GPR158: variants seen among roughly 807,000 people sequenced by gnomAD.
GPR158 encodes metabotropic glycine receptor.
A neutral mutation model predicts 78.2 loss-of-function variants in GPR158; 30 were observed. The ratio of observed to expected loss-of-function variants is 0.38; its 90% CI spans 0.29 to 0.52. GPR158 has a LOEUF of 0.52. Among genes scored for constraint, GPR158 ranks in the 20% least tolerant of loss-of-function variants. The probability of loss-of-function intolerance (pLI) is 0.83; values close to 1 mark genes in which losing one functional copy is unlikely to be tolerated. For missense variants in GPR158, 1,463 were observed against 1,523.5 expected (o/e 0.96, Z 0.66); for synonymous variants, 581 against 591.1 (o/e 0.98, Z 0.25).
At chr10:25,372,916 G>C (rs1834020634) in intron 2 of GPR158, among the ~76,000 whole-genome samples, 1 of 151,658 alleles carries the variant, frequency 6.6e-6, no homozygotes, top group African/African-American at 2.4e-5. Context: ...CCTAAAAACA[G>C]AACTGTCATT....
intron 5 of GPR158, among the ~76,000 whole-genome samples, chr10:25,496,125 C>A (rs965761651): frequency 6.6e-6 from 1 of 152,148 alleles, no homozygotes; most frequent in Non-Finnish European, 1.5e-5. Context: ...TACTTTATTA[C>A]TTTATTAATG....
chr10:25,206,612 TTTTTCCTG>T (rs1269527649), intron 1 of GPR158, among the ~76,000 whole-genome samples: 3 of 152,152 alleles, frequency 2.0e-5, no homozygotes, highest in African/African-American at 7.2e-5. Flanking sequence ...ATGTTAAATA[TTTTTCCTG>T]TTTTCTAATA....
intron 4 of GPR158, among the ~76,000 whole-genome samples, chr10:25,455,559 T>G (rs1262312603): frequency 6.6e-6 from 1 of 152,160 alleles, no homozygotes; most frequent in Non-Finnish European, 1.5e-5. Flanking sequence ...AGCAAAGGAT[T>G]CATCACAGAT....
intron 3 of GPR158, among the ~76,000 whole-genome samples, chr10:25,411,560 C>A (rs140291267): frequency 6.6e-6 from 1 of 152,030 alleles, no homozygotes; most frequent in Non-Finnish European, 1.5e-5. Flanking sequence ...CTTTCTTATT[C>A]CTACTTCTGG....
At chr10:25,234,295 C>T (rs1183396363) in intron 2 of GPR158, among the ~76,000 whole-genome samples, 8 of 152,168 alleles carry the variant, frequency 5.3e-5, no homozygotes, top group Admixed American at 5.2e-4. Flanking sequence ...GCCTTAGACC[C>T]CGCTGAATTC....
chr10:25,263,935 T>TA (rs5783916), intron 2 of GPR158, among the ~76,000 whole-genome samples: 2 of 152,160 alleles, frequency 1.3e-5, no homozygotes, highest in Non-Finnish European at 2.9e-5. Flanking sequence ...AGACTGTCTT[T>TA]AAAAAAATGA....
chr10:25,199,232 C>T (rs1206929227), intron 1 of GPR158, among the ~76,000 whole-genome samples: 2 of 151,060 alleles, frequency 1.3e-5, no homozygotes, highest in African/African-American at 4.9e-5. Flanking sequence ...TATTTTCTTA[C>T]CCAAGTAATA....
intron 1 of GPR158, among the ~76,000 whole-genome samples, chr10:25,214,288 C>G (rs1442807119): frequency 6.6e-6 from 1 of 152,144 alleles, no homozygotes; most frequent in Non-Finnish European, 1.5e-5. Context: ...GCCACCACGC[C>G]TGGCCGAGTC....
chr10:25,194,059 C>T (rs1451813754), intron 1 of GPR158, among the ~76,000 whole-genome samples: 2 of 152,186 alleles, frequency 1.3e-5, no homozygotes, highest in African/African-American at 2.4e-5. Flanking sequence ...CTTTTCCTCA[C>T]GAGCCCACCT....
At chr10:25,528,563 A>T (rs1836381600) in intron 5 of GPR158, among the ~76,000 whole-genome samples, 1 of 152,142 alleles carries the variant, frequency 6.6e-6, no homozygotes, top group Non-Finnish European at 1.5e-5. Flanking sequence ...CTAAATACAT[A>T]CAAGTAGATT....
Position 25,214,287 on chromosome 10 carries a change from C to A in GPR158, c.903-6765C>A, listed in dbSNP as rs547673258. Reference sequence around the variant, plus strand: ...GGGATTACAGGCGTGAGCCACCACGCCTGGCCGAGTCTCCCTTATTTATTT... The same window carrying A: ...GGGATTACAGGCGTGAGCCACCACGACTGGCCGAGTCTCCCTTATTTATTT... On this transcript the variant is annotated intron_variant, in intron 1 of 10. Coordinates refer to ENST00000376351, the MANE Select transcript of GPR158 (RefSeq NM_020752.3). Among the ~76,000 whole-genome samples, 6 of 152,230 alleles carry A rather than the reference C, an allele frequency of 3.9e-5. No individual in the cohort carries two copies. The South Asian group carries it at 1.2e-3, about 32-fold the overall frequency.
At chr10:25,202,599 G>T (rs1852948978) in intron 1 of GPR158, among the ~76,000 whole-genome samples, 1 of 152,056 alleles carries the variant, frequency 6.6e-6, no homozygotes. Context: ...CTTTTTTATG[G>T]CTGCATAGTA....
At chr10:25,380,510 A>G (rs1016894324) in intron 2 of GPR158, among the ~76,000 whole-genome samples, 1 of 152,130 alleles carries the variant, frequency 6.6e-6, no homozygotes, top group African/African-American at 2.4e-5. Context: ...TTAGTAATGT[A>G]TTACATTTTA....
chr10:25,507,795 A>G (rs1309259038), intron 5 of GPR158, among the ~76,000 whole-genome samples: 1 of 152,262 alleles, frequency 6.6e-6, no homozygotes, highest in Non-Finnish European at 1.5e-5. Flanking sequence ...TTTGACACAC[A>G]AAAGAAGTCA....
At chr10:25,348,213 A>T (rs1483073990) in intron 2 of GPR158, among the ~76,000 whole-genome samples, 1 of 151,890 alleles carries the variant, frequency 6.6e-6, no homozygotes, top group Non-Finnish European at 1.5e-5. Flanking sequence ...CAGTGATTTT[A>T]GACAGGGATT....
intron 6 of GPR158, among the ~76,000 whole-genome samples, chr10:25,553,053 TC>T: frequency 6.6e-6 from 1 of 152,326 alleles, no homozygotes; most frequent in Non-Finnish European, 1.5e-5. Flanking sequence ...ATAAGATTCA[TC>T]ATCTTTCTTT....
intron 3 of GPR158, among the ~76,000 whole-genome samples, chr10:25,408,958 G>C (rs997675432): frequency 1.4e-4 from 22 of 152,164 alleles, no homozygotes; most frequent in Non-Finnish European, 2.9e-5. Flanking sequence ...ATGCAGGCAC[G>C]TGGAGGCGGT....
chr10:25,249,296 C>T (rs943140012), intron 2 of GPR158, among the ~76,000 whole-genome samples: 1 of 152,128 alleles, frequency 6.6e-6, no homozygotes, highest in African/African-American at 2.4e-5. Flanking sequence ...AATTGAATAC[C>T]CTTTATTTCC....
chr10:25,596,662 A>C lies in GPR158; in HGVS notation c.2018A>C (p.Asn673Thr). 6.2e-7 allele frequency: 1 copy of C among 1,613,166 alleles called. No individual in the cohort carries two copies. Among genetic ancestry groups the C allele is most frequent in the Non-Finnish European group, 8.5e-7 (1 of 1,179,444 alleles). Residue 673 changes from asparagine to threonine, a missense_variant, in exon 10 of 11, where the codon AAC becomes ACC. Coordinates refer to ENST00000376351, the MANE Select transcript of GPR158 (RefSeq NM_020752.3). The part of the protein sequence containing the change: ...LIPKFSHSSN[N>T]PRDDIATEAY... ...TTTCAGTTTTCACATTCAAGCAATA[A>C]CCCACGAGATGATATTGCTACAGAA...
Sources: allele counts gnomAD v4.1 joint callset (sites outside exome capture counted in the v4.1 genomes callset), GRCh38; gene constraint gnomAD v4.1.1; transcripts MANE v1.5; gene names NCBI Gene and HGNC (gene_info 2026-07-23, HGNC 2026-07-21).